Variants in PLEKHG7 observed in about 807,000 individuals in gnomAD.
PLEKHG7 encodes the protein pleckstrin homology and RhoGEF domain containing G7.
Under a neutral mutation model 85.2 loss-of-function variants are expected in PLEKHG7, and 77 were observed. The observed-to-expected ratio is 0.90, with a 90% CI of 0.75 to 1.09. The LOEUF (loss-of-function observed/expected upper bound fraction) is 1.09, where lower values mean the gene tolerates loss of function less well. Among genes scored for constraint, PLEKHG7 ranks in the 50% least tolerant of loss-of-function variants. The pLI is 0.00. For missense variants in PLEKHG7, 777 were observed against 804.3 expected, an observed-to-expected ratio of 0.97 and a Z score of 0.41; for synonymous variants, 301 against 302.4, an observed-to-expected ratio of 1.00 and a Z score of 0.05.
chr12:92,754,373 G>A (rs1182459917), intron 11 of PLEKHG7, 109 bp downstream of exon 11: 4 of 1,087,358 alleles, frequency 3.7e-6, no homozygotes, highest in East Asian at 2.6e-5. Flanking sequence ...TGAGGTCATG[G>A]CTCTTGGAAA....
At chr12:92,710,338 G>A (rs1484612723) in intron 3 of PLEKHG7, among the ~76,000 whole-genome samples, 1 of 152,176 alleles carries the variant, frequency 6.6e-6, no homozygotes, top group African/African-American at 2.4e-5. Flanking sequence ...TGTCAATCTA[G>A]CTGCTTCAGG....
chr12:92,711,470 T>C (rs1279654087), intron 3 of PLEKHG7, among the ~76,000 whole-genome samples: 2 of 152,168 alleles, frequency 1.3e-5, no homozygotes, highest in African/African-American at 2.4e-5. Context: ...CATTTGATGA[T>C]GAAATGCTGC....
chr12:92,747,378 T>G (rs999194335), intron 10 of PLEKHG7, among the ~76,000 whole-genome samples: 2 of 138,312 alleles, frequency 1.4e-5, no homozygotes, highest in African/African-American at 2.6e-5. Flanking sequence ...CCAGTTAAAA[T>G]GGCTGCTATT....
At chr12:92,716,458 T>C (rs1472804001) in intron 3 of PLEKHG7, among the ~76,000 whole-genome samples, 2 of 152,218 alleles carry the variant, frequency 1.3e-5, no homozygotes, top group Non-Finnish European at 2.9e-5. Flanking sequence ...AGTTCTGAAA[T>C]TGGCTAACTG....
intron 9 of PLEKHG7, among the ~76,000 whole-genome samples, chr12:92,744,407 A>C (rs904379265): frequency 6.6e-6 from 1 of 152,178 alleles, no homozygotes; most frequent in Non-Finnish European, 1.5e-5. Context: ...AAAGACGCTT[A>C]ATTGAGATGG....
chr12:92,713,045 AG>A (rs746534667), intron 3 of PLEKHG7, among the ~76,000 whole-genome samples: 9 of 152,210 alleles, frequency 5.9e-5, no homozygotes, highest in Non-Finnish European at 1.2e-4. Flanking sequence ...TCCATAGGGA[AG>A]GATGGGAAAA....
At chr12:92,730,878 G>A (rs536036599) in intron 4 of PLEKHG7, among the ~76,000 whole-genome samples, 1 of 152,272 alleles carries the variant, frequency 6.6e-6, no homozygotes, top group South Asian at 2.1e-4. Flanking sequence ...CAAAAGATAA[G>A]CAGCCTCCTC....
chr12:92,740,791 C>A, intron 7 of PLEKHG7, 62 bp from the exon 8 acceptor site: 1 of 1,148,764 alleles, frequency 8.7e-7, no homozygotes, highest in African/African-American at 1.5e-5. Context: ...AAAGTTCTTG[C>A]AAAAGGCATG....
chr12:92,749,937 T>A (rs12313460), intron 10 of PLEKHG7, among the ~76,000 whole-genome samples: 1 of 123,148 alleles, frequency 8.1e-6, no homozygotes, highest in Non-Finnish European at 1.6e-5. Context: ...TTTATTTTAT[T>A]TTATATTTTA....
intron 9 of PLEKHG7, 27 bp from the exon 10 acceptor site, chr12:92,745,451 C>T: frequency 6.8e-7 from 1 of 1,471,910 alleles, no homozygotes; most frequent in Non-Finnish European, 9.5e-7. Context: ...TTGTGTTCAT[C>T]CTCCTTCTGC....
chr12:92,714,886 A>G (rs750146473), intron 3 of PLEKHG7, among the ~76,000 whole-genome samples: 1 of 152,176 alleles, frequency 6.6e-6, no homozygotes, highest in Non-Finnish European at 1.5e-5. Context: ...CGGTCTAATC[A>G]TATGAAGCAG....
In PLEKHG7 at chr12:92,756,351, C is replaced by A. The variant is rs575561271; in HGVS notation, c.1596C>A (p.Thr532=). The A allele has an allele frequency of 1.9e-6, 3 of 1,613,184 alleles. No individual in the cohort carries two copies. Among genetic ancestry groups the A allele is most frequent in the East Asian group, 2.2e-5 (1 of 44,878 alleles). Residue 532 remains threonine (T), a synonymous_variant, in exon 13 of 17, where the codon ACC becomes ACA. Coordinates refer to ENST00000344636, the MANE Select transcript of PLEKHG7 (RefSeq NM_001377329.1). ...EHMAENILSP[T]SRHLLYEGKL... ...TGGCAGAAAACATCTTGTCACCAAC[C>A]AGCAGACACCTTCTCTATGAAGGAA...
chr12:92,724,813 G>T (rs1025710255), intron 3 of PLEKHG7, among the ~76,000 whole-genome samples: 1 of 152,140 alleles, frequency 6.6e-6, no homozygotes, highest in African/African-American at 2.4e-5. Context: ...ATGGCCTTCA[G>T]TAGCTGCAAG....
At chr12:92,710,373 G>C (rs1235099130) in intron 3 of PLEKHG7, among the ~76,000 whole-genome samples, 2 of 152,192 alleles carry the variant, frequency 1.3e-5, no homozygotes, top group Non-Finnish European at 2.9e-5. Flanking sequence ...GGTAAGACCA[G>C]TGAATTCCAT....
At chr12:92,753,645 G>T (rs758081277) in intron 10 of PLEKHG7, among the ~76,000 whole-genome samples, 1 of 151,648 alleles carries the variant, frequency 6.6e-6, no homozygotes, top group Non-Finnish European at 1.5e-5. Flanking sequence ...CTTCATTTTC[G>T]ATCATTACCC....
At chr12:92,714,912 C>A (rs549960309) in intron 3 of PLEKHG7, among the ~76,000 whole-genome samples, 1 of 152,186 alleles carries the variant, frequency 6.6e-6, no homozygotes, top group African/African-American at 2.4e-5. Context: ...TCCAGAAGCC[C>A]CAAAACCAAT....
At position 92,770,161 on chromosome 12, in the gene PLEKHG7, T is replaced by C; in HGVS notation, c.2042T>C (p.Leu681Ser). 1 of 1,607,766 alleles carries C rather than the reference T, an allele frequency of 6.2e-7. No individual in the cohort carries two copies. The highest frequency in any genetic ancestry group is 8.5e-7 in the Non-Finnish European group (1 of 1,176,972). ...TKSQETKKIS[L>S]FTLPAESSEI ...AGTCAGGAAACCAAGAAAATATCTT[T>C]ATTCACATTGCCCGCAGAATCCTCT... The change falls in exon 17 of 17, where the codon TTA becomes TCA. Residue 681 changes from leucine (L) to serine (S), a missense_variant. By Grantham distance (145) the Leu-to-Ser change is moderately radical. Transcript: ENST00000344636.
At chr12:92,761,256 G>C (rs1018127265) in intron 13 of PLEKHG7, among the ~76,000 whole-genome samples, 3 of 152,112 alleles carry the variant, frequency 2.0e-5, no homozygotes, top group African/African-American at 7.2e-5. Context: ...ACCACCCAGA[G>C]GAATCTAGAG....
At chr12:92,725,246 G>T (rs536761955) in intron 3 of PLEKHG7, among the ~76,000 whole-genome samples, 2 of 152,252 alleles carry the variant, frequency 1.3e-5, no homozygotes, top group South Asian at 4.2e-4. Flanking sequence ...GAATTACAAT[G>T]CATTCCCTAT....
Sources: allele counts gnomAD v4.1 joint callset (sites outside exome capture counted in the v4.1 genomes callset), GRCh38; gene constraint gnomAD v4.1.1; transcripts MANE v1.5; gene names NCBI Gene and HGNC (gene_info 2026-07-23, HGNC 2026-07-21).